GP2: variants seen among roughly 807,000 people sequenced by gnomAD.
The protein encoded by GP2 is pancreatic secretory granule membrane major glycoprotein GP2.
A neutral mutation model predicts 60.8 loss-of-function variants in GP2; 58 were observed. That is an observed-to-expected ratio of 0.95 (90% CI 0.77 to 1.19). The LOEUF (loss-of-function observed/expected upper bound fraction) is 1.19, where lower values mean the gene tolerates loss of function less well. GP2 is among the 50% of genes most tolerant of loss of function. The pLI is 0.00. For synonymous variants in GP2, 280 were observed against 253.4 expected, an observed-to-expected ratio of 1.10 and a Z score of -1.00; for missense variants, 647 against 667.4, an observed-to-expected ratio of 0.97 and a Z score of 0.34.
intron 2 of GP2, among the ~76,000 whole-genome samples, chr16:20,324,469 G>A (rs1964473056): frequency 6.6e-6 from 1 of 152,184 alleles, no homozygotes; most frequent in Non-Finnish European, 1.5e-5. Flanking sequence ...GGACATCAGG[G>A]CTACCGTCCT....
At chr16:20,314,041 G>C (rs2141592913) in intron 10 of GP2, among the ~76,000 whole-genome samples, 1 of 152,152 alleles carries the variant, frequency 6.6e-6, no homozygotes, top group African/African-American at 2.4e-5. Context: ...CATGGACACA[G>C]GGAGGGGAAC....
At chr16:20,320,688 G>A (rs1258915767) in intron 4 of GP2, among the ~76,000 whole-genome samples, 1 of 152,200 alleles carries the variant, frequency 6.6e-6, no homozygotes, top group East Asian at 1.9e-4. Context: ...GGCTTGCTAA[G>A]GTTTTTTAGT....
chr16:20,315,925 C>A, intron 9 of GP2, 31 bp downstream of exon 9: 2 of 1,384,566 alleles, frequency 1.4e-6, no homozygotes, highest in Non-Finnish European at 1.0e-6. Flanking sequence ...ACTCAGCCAG[C>A]TGGTCTTGTC....
intron 5 of GP2, 141 bp downstream of exon 5, chr16:20,320,121 T>C (rs961796783): frequency 1.1e-5 from 7 of 646,316 alleles, no homozygotes; most frequent in African/African-American, 3.6e-5. Context: ...AAGCTCTTTA[T>C]GTAAACCAAC....
At chr16:20,321,598 G>C (rs186604858) in intron 4 of GP2, among the ~76,000 whole-genome samples, 19 of 152,320 alleles carry the variant, frequency 1.2e-4, no homozygotes, top group African/African-American at 4.3e-4. Context: ...AACGTGGGTA[G>C]GAGTTTTGCA....
Position 20,311,130 on chromosome 16 carries a change from CTG to C in GP2, c.*91_*92del. On this transcript the variant is annotated 3_prime_UTR_variant, in exon 11 of 11. Coordinates refer to ENST00000302555, the MANE Select transcript of GP2 (RefSeq NM_001502.4). ...GGCCTTGATTCTATTAATACCAAGC[CTG>C]TGTGAATTGGAGTGGAAAGCAGAAG... 2.5e-6 allele frequency: 2 copies of C among 806,666 alleles called. No individual in the cohort carries two copies. Among genetic ancestry groups the C allele is most frequent in the South Asian group, 2.7e-5 (2 of 73,074 alleles). 50.0% of individuals were successfully genotyped at this position (806,666 alleles called of 1,614,324 possible).
At chr16:20,318,488 T>C in intron 6 of GP2, 58 bp from the exon 7 acceptor site, 1 of 1,534,208 alleles carries the variant, frequency 6.5e-7, no homozygotes, top group Non-Finnish European at 8.9e-7. Flanking sequence ...AATCAAGCCC[T>C]GCACTTACTT....
chr16:20,320,294 C>T lies in GP2; in HGVS notation c.826G>A (p.Val276Ile), dbSNP rs374912446. 3.5e-5 allele frequency: 57 copies of T among 1,613,884 alleles called. No homozygotes were observed. The highest frequency in any genetic ancestry group is 1.3e-4 in the Admixed American group (8 of 60,000). The part of the protein sequence containing the change: ...ERNWVSVTSP[V>I]QASACRNILE... ...ATGTTCCTGCAGGCACTAGCCTGGA[C>T]GGGGCTGGTCACAGATACCCAGTTC... The change falls in exon 5 of 11, where the codon GTC (valine) becomes ATC (isoleucine). Residue 276 changes from valine (V) to isoleucine (I), a missense_variant. Transcript: ENST00000302555.
intron 10 of GP2, 71 bp downstream of exon 10, chr16:20,314,586 A>G (rs1567285588): frequency 1.8e-6 from 2 of 1,094,712 alleles, no homozygotes; most frequent in Middle Eastern, 2.0e-4. Flanking sequence ...TCTGGGCCAT[A>G]AAAGGGGCAG....
rs376441982 is a variant in GP2 at position 20,317,212 on chromosome 16, C to T, written c.1416+1G>A. The T allele has an allele frequency of 1.5e-5, 23 of 1,585,004 alleles. No homozygotes were observed. Among genetic ancestry groups the T allele is most frequent in the Non-Finnish European group, 1.9e-5 (22 of 1,161,700 alleles). ...AGAGTTCAGTTCAAAGAGACACTCACAGGCTGGCACTGTTCATTAAGAGAA... is the reference window on the plus strand; with the variant it reads ...AGAGTTCAGTTCAAAGAGACACTCATAGGCTGGCACTGTTCATTAAGAGAA... On this transcript the variant is annotated splice_donor_variant, in intron 8 of 10. Transcript: ENST00000302555. LOFTEE classifies it high-confidence loss of function.
intron 3 of GP2, chr16:20,323,504 C>T (rs942537628): frequency 2.0e-5 from 9 of 454,040 alleles, no homozygotes; most frequent in Admixed American, 8.2e-5. Context: ...CCCTTTTTTT[C>T]AGATCAGAAC....
chr16:20,317,377 T>C lies in GP2; in HGVS notation c.1254-2A>G, dbSNP rs770694560. The C allele has an allele frequency of 6.2e-7, 1 of 1,612,780 alleles. No individual in the cohort carries two copies. The highest frequency in any genetic ancestry group is 8.5e-7 in the Non-Finnish European group (1 of 1,178,972). On this transcript the variant is annotated splice_acceptor_variant, in intron 7 of 10. Transcript: ENST00000302555. LOFTEE classifies it high-confidence loss of function. ...GTGGAATCACGTTGATTTGAGCAGC[T>C]GGGAGGGTGACAGGGGCAAAGGTGT...
chr16:20,315,909 G>C (rs1397754697), intron 9 of GP2, 47 bp downstream of exon 9: 1 of 1,202,612 alleles, frequency 8.3e-7, no homozygotes. Flanking sequence ...GTGGTTAACT[G>C]TCAACACTCA....
In GP2 at chr16:20,322,870, A is replaced by G. The variant is rs757394917; in HGVS notation, c.645T>C (p.Ser215=). Residue 215 remains serine, a splice_region_variant and synonymous_variant, in exon 4 of 11, where the codon TCT becomes TCC. Transcript: ENST00000302555. ...TTACTTGCCCAGTGAGCAGCTCACC[A>G]GAACTATTGAGGTCCTGTCTGCAGA... ...GCFCRQDLNS[S]DVHSLQPQLD... The G allele has an allele frequency of 7.1e-6, 11 of 1,550,524 alleles. No individual in the cohort carries two copies. The highest frequency in any genetic ancestry group is 9.8e-6 in the Non-Finnish European group (11 of 1,121,932).
rs1243014608 is a variant in GP2 at position 20,314,715 on chromosome 16, C to T, written c.1502-14G>A. ...GAGACTGTGCACCTGTGAACAAGAACAGAAGGGGTGGGTTTCCTCAGTCAT... is the reference window on the plus strand; with the variant it reads ...GAGACTGTGCACCTGTGAACAAGAATAGAAGGGGTGGGTTTCCTCAGTCAT... On this transcript the variant is annotated splice_polypyrimidine_tract_variant and intron_variant, in intron 9 of 10. Transcript: ENST00000302555. 1.9e-6 allele frequency: 3 copies of T among 1,590,650 alleles called. No individual in the cohort carries two copies. The highest frequency in any genetic ancestry group is 1.1e-5 in the South Asian group (1 of 90,644).
In GP2 at chr16:20,316,933, C is replaced by G. The variant is rs1435735654; in HGVS notation, c.1416+280G>C. On this transcript the variant is annotated intron_variant, in intron 8 of 10. Coordinates refer to ENST00000302555, the MANE Select transcript of GP2 (RefSeq NM_001502.4). ...TCCCTCTCTCTTCCCTTTCCCCTCC[C>G]TTCCCTTCCCTCCCTCCTTCTCCTT... Among the ~76,000 whole-genome samples the G allele has an allele frequency of 2.7e-5, 4 of 149,316 alleles. No homozygotes were observed. The East Asian group carries it at 7.9e-4, about 30-fold the overall frequency.
intron 5 of GP2, 141 bp from the exon 6 acceptor site, chr16:20,319,909 C>A: frequency 1.4e-6 from 1 of 710,120 alleles, no homozygotes; most frequent in South Asian, 1.7e-5. Flanking sequence ...GTCAAGGGAC[C>A]TCTTCCTTCA....
intron 8 of GP2, among the ~76,000 whole-genome samples, chr16:20,316,468 A>G (rs575530353): frequency 6.6e-6 from 1 of 152,256 alleles, no homozygotes; most frequent in African/African-American, 2.4e-5. Flanking sequence ...TGGCTCTGAT[A>G]TTTTCTAATT....
In GP2 at chr16:20,316,016, T is replaced by C. The variant is rs1386197274; in HGVS notation, c.1441A>G (p.Ser481Gly). The C allele has an allele frequency of 5.6e-6, 9 of 1,612,768 alleles. No homozygotes were observed. Among genetic ancestry groups the C allele is most frequent in the Admixed American group, 3.3e-5 (2 of 60,000 alleles). The change falls in exon 9 of 11, where the codon AGT becomes GGT. Residue 481 changes from serine to glycine, a missense_variant. Coordinates refer to ENST00000302555, the MANE Select transcript of GP2 (RefSeq NM_001502.4). ...GCTAGGTCGATGGCCGGTACTTCAC[T>C]GCGGACTTGACTTCTTGAGCAAGAC... The part of the protein sequence containing the change: ...QPSCSRSQVR[S>G]EVPAIDLARV...
Sources: allele counts gnomAD v4.1 joint callset (sites outside exome capture counted in the v4.1 genomes callset), GRCh38; gene constraint gnomAD v4.1.1; transcripts MANE v1.5; gene names NCBI Gene and HGNC (gene_info 2026-07-23, HGNC 2026-07-21).